Variants in ESRRG observed in about 807,000 individuals in gnomAD.
The protein encoded by ESRRG is estrogen-related receptor gamma.
Under a neutral mutation model 44.0 loss-of-function variants are expected in ESRRG, and 13 were observed. That is an observed-to-expected ratio of 0.30 (90% CI 0.19 to 0.47). The LOEUF (loss-of-function observed/expected upper bound fraction) is 0.47. Ranked by LOEUF, ESRRG falls within the 20% of genes least tolerant of loss-of-function variation. The pLI is 1.00. For missense variants in ESRRG, 395 were observed against 580.6 expected, an observed-to-expected ratio of 0.68 and a Z score of 3.29; for synonymous variants, 215 against 214.6, an observed-to-expected ratio of 1.00 and a Z score of -0.02.
At chr1:216,571,737 T>A (rs925924988) in intron 3 of ESRRG, among the ~76,000 whole-genome samples, 3 of 152,194 alleles carry the variant, frequency 2.0e-5, no homozygotes, top group Non-Finnish European at 4.4e-5. Context: ...ACCTTTCACA[T>A]AAGTCCTGAT....
intron 3 of ESRRG, among the ~76,000 whole-genome samples, chr1:216,640,810 C>T (rs536498061): frequency 1.4e-4 from 22 of 152,022 alleles, no homozygotes; most frequent in Admixed American, 8.5e-4. Context: ...CATTGATATA[C>T]GTATGCGTTG....
intron 2 of ESRRG, among the ~76,000 whole-genome samples, chr1:216,815,735 T>C (rs574049782): frequency 5.3e-5 from 8 of 152,306 alleles, no homozygotes; most frequent in Admixed American, 5.2e-4. Flanking sequence ...CTGAACACAA[T>C]GAAGCAGCCC....
intron 1 of ESRRG, among the ~76,000 whole-genome samples, chr1:217,049,489 A>G (rs2085501463): frequency 1.3e-5 from 2 of 152,240 alleles, no homozygotes; most frequent in Non-Finnish European, 2.9e-5. Context: ...CTTGGAAAAG[A>G]GAAGATATAC....
intron 2 of ESRRG, among the ~76,000 whole-genome samples, chr1:216,790,045 G>A (rs2094265938): frequency 6.6e-6 from 1 of 152,086 alleles, no homozygotes; most frequent in Admixed American, 6.6e-5. Context: ...TTTGCTCTCT[G>A]CCCCTTTCCT....
At chr1:216,864,139 A>G (rs2096103058) in intron 2 of ESRRG, 1 of 109,512 alleles carries the variant, frequency 9.1e-6, no homozygotes, top group Non-Finnish European at 1.8e-5. Flanking sequence ...GGCACATACA[A>G]ACATTTGGGG....
rs2092632443 is a variant in ESRRG, at chr1:217,109,107, T to A, written c.-230+28560A>T. On this transcript the variant is annotated intron_variant, in intron 1 of 8. Coordinates refer to the ESRRG transcript ENST00000366940. The stretch of plus-strand genomic sequence containing the variant: ...GCCTAAAAGCTAAGGGCTTTACCCA[T>A]CTGAGGGATTTTGAACAACACCAAA... Among the ~76,000 whole-genome samples, 3 of 152,310 alleles carry A rather than the reference T, an allele frequency of 2.0e-5. No homozygotes were observed. The South Asian group carries it at 6.2e-4, about 32-fold the overall frequency.
intron 2 of ESRRG, among the ~76,000 whole-genome samples, chr1:216,764,977 G>A (rs917630582): frequency 3.3e-5 from 5 of 152,110 alleles, no homozygotes; most frequent in Non-Finnish European, 4.4e-5. Flanking sequence ...GGTGACACTC[G>A]ACCAAGTGAT....
chr1:217,008,014 A>G (rs746715144), intron 1 of ESRRG, among the ~76,000 whole-genome samples: 3 of 152,212 alleles, frequency 2.0e-5, no homozygotes, highest in Non-Finnish European at 4.4e-5. Context: ...GTCTCACATT[A>G]TAGTCTTACA....
intron 3 of ESRRG, among the ~76,000 whole-genome samples, chr1:216,641,092 A>G (rs1210045319): frequency 1.3e-5 from 2 of 152,200 alleles, no homozygotes; most frequent in Non-Finnish European, 2.9e-5. Context: ...ACAATCAAAT[A>G]AATGATTAAC....
intron 2 of ESRRG, among the ~76,000 whole-genome samples, chr1:216,880,731 A>G (rs995485910): frequency 6.6e-6 from 1 of 152,216 alleles, no homozygotes; most frequent in Non-Finnish European, 1.5e-5. Context: ...ACAGTAAAAC[A>G]CTAAATATGG....
intron 5 of ESRRG, among the ~76,000 whole-genome samples, chr1:216,523,926 A>G (rs2148994087): frequency 6.6e-6 from 1 of 151,940 alleles, no homozygotes; most frequent in Admixed American, 6.6e-5. Context: ...ACTCACTGAG[A>G]TCACAAATGA....
intron 2 of ESRRG, chr1:216,862,927 TACAA>T (rs1395914653): frequency 5.3e-5 from 8 of 152,172 alleles, no homozygotes; most frequent in Non-Finnish European, 1.2e-4. Flanking sequence ...ATAGAGCTGG[TACAA>T]ACAAAGATAA....
At chr1:216,994,094 T>A (rs2076062841) in intron 1 of ESRRG, among the ~76,000 whole-genome samples, 1 of 152,204 alleles carries the variant, frequency 6.6e-6, no homozygotes, top group Non-Finnish European at 1.5e-5. Context: ...TGTAAGCATA[T>A]CTCTGAGCTT....
At chr1:216,815,973 T>A (rs2095124081) in intron 2 of ESRRG, among the ~76,000 whole-genome samples, 2 of 152,172 alleles carry the variant, frequency 1.3e-5, no homozygotes, top group Admixed American at 1.3e-4. Flanking sequence ...TGTTTATGAT[T>A]GCTGGCAGCC....
intron 2 of ESRRG, among the ~76,000 whole-genome samples, chr1:216,827,032 A>G (rs1334849638): frequency 6.6e-6 from 1 of 152,184 alleles, no homozygotes; most frequent in Admixed American, 6.6e-5. Context: ...CTTCAAGACC[A>G]AAAGAAAAAT....
At chr1:216,569,111 A>AGGAAGGAAGGAAGGAAGAGGGAAG (rs1553355981) in intron 3 of ESRRG, among the ~76,000 whole-genome samples, 1 of 104,362 alleles carries the variant, frequency 9.6e-6, no homozygotes, top group African/African-American at 3.5e-5. Flanking sequence ...GAAGGAAGGA[A>AGGAAGGAAGGAAGGAAGAGGGAAG]GAAGGAAGGA....
chr1:217,040,431 C>A (rs1031430270), intron 1 of ESRRG, among the ~76,000 whole-genome samples: 2 of 152,058 alleles, frequency 1.3e-5, no homozygotes, highest in Non-Finnish European at 2.9e-5. Flanking sequence ...TTTTCTACAT[C>A]ACCTGCCCTT....
At chr1:217,061,572 G>T (rs774463153) in intron 1 of ESRRG, among the ~76,000 whole-genome samples, 1 of 152,136 alleles carries the variant, frequency 6.6e-6, no homozygotes, top group Middle Eastern at 3.4e-3. Context: ...AACAGGAAAA[G>T]GTCAGTCCTC....
rs1182855695 is a variant in ESRRG at position 216,570,767 on chromosome 1, C to T, written c.590-2669G>A. ...AGGCAAAAGCTAAAGAGAGAGGGAA[C>T]ATTTTTTGGACATCACTAAAATTGT... On this transcript the variant is annotated intron_variant, in intron 3 of 6. Transcript: ENST00000408911. 2.6e-5 allele frequency among the ~76,000 whole-genome samples: 4 copies of T among 152,108 alleles called. No homozygotes were observed. The East Asian group carries it at 7.7e-4, about 29-fold the overall frequency.
Sources: allele counts gnomAD v4.1 joint callset (sites outside exome capture counted in the v4.1 genomes callset), GRCh38; gene constraint gnomAD v4.1.1; transcripts MANE v1.5; gene names NCBI Gene and HGNC (gene_info 2026-07-23, HGNC 2026-07-21).